PPP1R42: variants seen among roughly 807,000 people sequenced by gnomAD.
PPP1R42 encodes the protein leucine rich repeat containing 67.
Under a neutral mutation model 31.0 loss-of-function variants are expected in PPP1R42, and 34 were observed. The ratio of observed to expected loss-of-function variants is 1.10; its 90% confidence interval spans 0.83 to 1.46. The LOEUF is 1.46. PPP1R42 is among the 40% of genes most tolerant of loss of function. The pLI, the probability that PPP1R42 is intolerant of heterozygous loss-of-function variation, is 0.00. For synonymous variants in PPP1R42, 103 were observed against 109.8 expected, an observed-to-expected ratio of 0.94 and a Z score of 0.39; for missense variants, 268 against 303.0, an observed-to-expected ratio of 0.88 and a Z score of 0.86.
chr8:66,988,383 T>G lies in PPP1R42; in HGVS notation c.670+17A>C. 1 of 1,383,868 alleles carries G rather than the reference T, an allele frequency of 7.2e-7. No individual in the cohort carries two copies. Among genetic ancestry groups the G allele is most frequent in the Non-Finnish European group, 9.4e-7 (1 of 1,066,250 alleles). 85.7% of individuals were successfully genotyped at this position (1,383,868 alleles called of 1,614,324 possible). On this transcript the variant is annotated intron_variant, in intron 6 of 7. Transcript: ENST00000685739. ...AGGTGTCATTCTCTTAAAAATTATATTAATATAAATATGTACCCAGTGATT... is the reference window on the plus strand; with the variant it reads ...AGGTGTCATTCTCTTAAAAATTATAGTAATATAAATATGTACCCAGTGATT...
intron 2 of PPP1R42, 21 bp downstream of exon 2, chr8:67,017,598 A>G: frequency 7.8e-7 from 1 of 1,281,980 alleles, no homozygotes. Flanking sequence ...ATAAAATAGG[A>G]AATAATTTCA....
chr8:66,984,989 CA>C, intron 6 of PPP1R42: 1 of 1,552,054 alleles, frequency 6.4e-7, no homozygotes, highest in Non-Finnish European at 8.9e-7. Flanking sequence ...TTTGTGATTC[CA>C]AAATAATCTT....
intron 6 of PPP1R42, chr8:66,985,584 G>A (rs758631624): frequency 2.9e-5 from 40 of 1,358,714 alleles, no homozygotes; most frequent in South Asian, 5.8e-5. Flanking sequence ...GTGCCAGCCC[G>A]GCTTGGATTC....
At position 66,999,017 on chromosome 8, in the gene PPP1R42, T is replaced by TAA. The variant is rs777204592; in HGVS notation, c.553-10502_553-10501dup. Among the ~76,000 whole-genome samples the TAA allele has an allele frequency of 5.0e-4, 76 of 152,286 alleles. 1 individual carries two copies. Among genetic ancestry groups the TAA allele is most frequent in the Non-Finnish European group, 6.6e-4 (45 of 68,022 alleles). Reference sequence around the variant, plus strand: ...TGTTCTTGTAATATTGCTGGTTTGATAACATGAGTTGGGAAGTAGTCCCTG... The same window carrying TAA: ...TGTTCTTGTAATATTGCTGGTTTGATAAAACATGAGTTGGGAAGTAGTCCCTG... On this transcript the variant is annotated intron_variant, in intron 5 of 7. Coordinates refer to ENST00000685739, the MANE Select transcript of PPP1R42 (RefSeq NM_001364910.1).
intron 7 of PPP1R42, among the ~76,000 whole-genome samples, chr8:66,967,073 C>A (rs1347693909): frequency 1.3e-5 from 2 of 152,144 alleles, no homozygotes; most frequent in Non-Finnish European, 2.9e-5. Flanking sequence ...ACCTCCTGGG[C>A]TCAAGCAATC....
At chr8:67,020,995 G>A (rs769902622) in intron 1 of PPP1R42, among the ~76,000 whole-genome samples, 17 of 152,104 alleles carry the variant, frequency 1.1e-4, no homozygotes, top group Admixed American at 2.0e-4. Flanking sequence ...TAGATTTGAG[G>A]TAACCCGTTT....
chr8:67,027,964 TTTG>T (rs1332356627), intron 1 of PPP1R42, among the ~76,000 whole-genome samples: 1 of 152,162 alleles, frequency 6.6e-6, no homozygotes, highest in African/African-American at 2.4e-5. Flanking sequence ...GTTTGTTCGT[TTTG>T]TTGTTGTTTT....
At chr8:66,972,335 A>T (rs2130913595) in intron 7 of PPP1R42, among the ~76,000 whole-genome samples, 1 of 152,124 alleles carries the variant, frequency 6.6e-6, no homozygotes, top group East Asian at 1.9e-4. Flanking sequence ...AGCTCAGAAA[A>T]TTTTCTGCTG....
intron 5 of PPP1R42, among the ~76,000 whole-genome samples, chr8:66,999,736 C>T (rs1275764243): frequency 2.0e-5 from 3 of 152,194 alleles, no homozygotes; most frequent in Non-Finnish European, 4.4e-5. Flanking sequence ...GTGAGGTTAT[C>T]TGGTCTTGGA....
intron 7 of PPP1R42, among the ~76,000 whole-genome samples, chr8:66,972,494 A>G (rs1215072101): frequency 6.6e-6 from 1 of 152,016 alleles, no homozygotes; most frequent in Non-Finnish European, 1.5e-5. Flanking sequence ...GGTTCAAGTG[A>G]TTCTCCTGCC....
At chr8:67,018,972 G>C (rs977842857) in intron 1 of PPP1R42, among the ~76,000 whole-genome samples, 7 of 151,266 alleles carry the variant, frequency 4.6e-5, no homozygotes, top group Non-Finnish European at 8.8e-5. Context: ...TGGGACTATA[G>C]GCACACGCCG....
intron 7 of PPP1R42, among the ~76,000 whole-genome samples, chr8:66,964,853 T>C (rs1223205198): frequency 6.6e-6 from 1 of 152,192 alleles, no homozygotes; most frequent in Non-Finnish European, 1.5e-5. Context: ...CATAAACATA[T>C]GTCTTATAAC....
chr8:67,025,986 T>C (rs186448303), intron 1 of PPP1R42, among the ~76,000 whole-genome samples: 5 of 135,130 alleles, frequency 3.7e-5, no homozygotes, highest in African/African-American at 1.1e-4. Flanking sequence ...GCCTGGGCGA[T>C]AGAGTGAGAC....
At chr8:66,993,689 G>A (rs1320038889) in intron 5 of PPP1R42, among the ~76,000 whole-genome samples, 2 of 152,072 alleles carry the variant, frequency 1.3e-5, no homozygotes, top group East Asian at 1.9e-4. Context: ...ATTTGTTTTG[G>A]GATGACTATG....
intron 7 of PPP1R42, among the ~76,000 whole-genome samples, chr8:66,976,247 G>C (rs878862607): frequency 6.6e-6 from 1 of 151,890 alleles, no homozygotes; most frequent in Non-Finnish European, 1.5e-5. Flanking sequence ...TCTAGTTGCA[G>C]GAAAAAAAGC....
At chr8:66,988,912 T>C (rs1815107277) in intron 5 of PPP1R42, among the ~76,000 whole-genome samples, 1 of 152,096 alleles carries the variant, frequency 6.6e-6, no homozygotes, top group Non-Finnish European at 1.5e-5. Context: ...ATGTGTGTTG[T>C]TGCTTTTTAT....
intron 6 of PPP1R42, among the ~76,000 whole-genome samples, 158 bp from the exon 7 acceptor site, chr8:66,982,338 G>T (rs1814866287): frequency 1.3e-5 from 2 of 152,032 alleles, no homozygotes; most frequent in South Asian, 4.1e-4. Context: ...ATGTACTTTT[G>T]TTGAGATTTT....
intron 6 of PPP1R42, chr8:66,985,083 T>G: frequency 5.3e-6 from 7 of 1,313,730 alleles, no homozygotes; most frequent in African/African-American, 1.4e-5. Context: ...GGATATCTCC[T>G]TCCTTTAGCT....
intron 6 of PPP1R42, among the ~76,000 whole-genome samples, chr8:66,987,929 A>G (rs1461010716): frequency 6.6e-6 from 1 of 152,128 alleles, no homozygotes; most frequent in Non-Finnish European, 1.5e-5. Context: ...ATTTGTAAGG[A>G]TCTCATAAAG....
Sources: allele counts gnomAD v4.1 joint callset (sites outside exome capture counted in the v4.1 genomes callset), GRCh38; gene constraint gnomAD v4.1.1; transcripts MANE v1.5; gene names NCBI Gene and HGNC (gene_info 2026-07-23, HGNC 2026-07-21).